Variants in RYR3 observed in about 807,000 individuals in gnomAD.
RYR3 encodes ryanodine receptor 3, also known as brain ryanodine receptor-calcium release channel.
RYR3 carries 207 observed loss-of-function variants against 584.3 expected under a neutral mutation model. That is an observed-to-expected ratio of 0.35 (90% CI 0.32 to 0.40). RYR3 has a LOEUF of 0.40. Ranked by LOEUF, RYR3 falls within the 10% of genes least tolerant of loss-of-function variation. The pLI is 1.00. For synonymous variants in RYR3, 2,416 were observed against 2,248.5 expected, an observed-to-expected ratio of 1.07 and a Z score of -2.11; for missense variants, 5,616 against 6,089.2, an observed-to-expected ratio of 0.92 and a Z score of 2.59.
intron 1 of RYR3, among the ~76,000 whole-genome samples, chr15:33,459,577 A>G (rs1280218953): frequency 1.3e-5 from 2 of 152,084 alleles, no homozygotes; most frequent in Admixed American, 1.3e-4. Context: ...TCCAGAAGAC[A>G]TAGGGTCTAT....
intron 51 of RYR3, among the ~76,000 whole-genome samples, chr15:33,741,420 G>A (rs1301189128): frequency 6.6e-6 from 1 of 152,124 alleles, no homozygotes; most frequent in Non-Finnish European, 1.5e-5. Context: ...ATTCCGTGGA[G>A]AGAAAGTCTG....
chr15:33,688,207 A>T (rs1160651462), intron 38 of RYR3, among the ~76,000 whole-genome samples: 10 of 60,796 alleles, frequency 1.6e-4, no homozygotes, highest in Non-Finnish European at 3.2e-4. Flanking sequence ...GAACTCAAAC[A>T]GATTTACAAG....
At chr15:33,776,315 C>A (rs1207457652) in intron 64 of RYR3, among the ~76,000 whole-genome samples, 1 of 152,150 alleles carries the variant, frequency 6.6e-6, no homozygotes, top group East Asian at 1.9e-4. Context: ...AGTTTGCAGA[C>A]ACAAAATTTC....
rs569756898 is a variant in RYR3 at position 33,464,463 on chromosome 15, GATATATATATATAT to G, written c.52-8942_52-8929del. On this transcript the variant is annotated intron_variant, in intron 1 of 103. Coordinates refer to ENST00000634891, the MANE Select transcript of RYR3 (RefSeq NM_001036.6). ...AGAAGAGAGACTGTAGGGAGGTGGA[GATATATATATATAT>G]ATATATATATATACACATATATATA... 6.3e-5 allele frequency among the ~76,000 whole-genome samples: 5 copies of G among 79,262 alleles called. 1 individual carries two copies. The highest frequency in any genetic ancestry group is 0.013 in the Middle Eastern group (2 of 154). The allele number at this position is 79,262 out of a possible 152,430, so 52.0% of individuals were successfully genotyped here.
At chr15:33,664,088 A>G (rs985264273) in intron 36 of RYR3, among the ~76,000 whole-genome samples, 2 of 152,196 alleles carry the variant, frequency 1.3e-5, no homozygotes, top group African/African-American at 4.8e-5. Context: ...CAACCCTTGC[A>G]GAAGTCACTA....
chr15:33,569,810 G>A (rs934663183), intron 12 of RYR3, among the ~76,000 whole-genome samples: 6 of 151,968 alleles, frequency 3.9e-5, no homozygotes, highest in South Asian at 2.1e-4. Flanking sequence ...TAGTATTATC[G>A]TGGTGGTTTC....
At chr15:33,391,077 TA>T (rs1344081964) in intron 1 of RYR3, among the ~76,000 whole-genome samples, 1 of 151,968 alleles carries the variant, frequency 6.6e-6, no homozygotes, top group African/African-American at 2.4e-5. Flanking sequence ...AAGGTGAGAG[TA>T]ATCTTTGGGA....
intron 30 of RYR3, 123 bp downstream of exon 30, chr15:33,647,583 A>C: frequency 1.5e-6 from 1 of 682,246 alleles, no homozygotes; most frequent in Non-Finnish European, 2.5e-6. Context: ...CTGTCTTTTA[A>C]TATCCATCTT....
intron 2 of RYR3, among the ~76,000 whole-genome samples, chr15:33,486,406 C>G (rs975068667): frequency 1.2e-4 from 18 of 152,152 alleles, no homozygotes; most frequent in Non-Finnish European, 2.1e-4. Context: ...CTGTGCACGT[C>G]TTTGCCTGTA....
chr15:33,320,629 A>T (rs1300776638), intron 1 of RYR3, among the ~76,000 whole-genome samples: 1 of 152,194 alleles, frequency 6.6e-6, no homozygotes, highest in South Asian at 2.1e-4. Flanking sequence ...TTTCCTGTTG[A>T]AAGGTATGAC....
intron 91 of RYR3, 64 bp downstream of exon 91, chr15:33,842,099 G>T: frequency 6.6e-7 from 1 of 1,513,016 alleles, no homozygotes; most frequent in Non-Finnish European, 9.0e-7. Context: ...TGGCAGAGAG[G>T]TGCCGCTGAT....
chr15:33,550,081 T>G, intron 9 of RYR3, 79 bp from the exon 10 acceptor site: 1 of 1,420,596 alleles, frequency 7.0e-7, no homozygotes, highest in Non-Finnish European at 9.6e-7. Context: ...TGCTAGCATG[T>G]GTAAGAAAGC....
intron 3 of RYR3, among the ~76,000 whole-genome samples, chr15:33,517,649 G>A (rs1250285596): frequency 6.6e-6 from 1 of 152,144 alleles, no homozygotes; most frequent in African/African-American, 2.4e-5. Context: ...CTGCTTTCTT[G>A]CAGCAACAAA....
intron 1 of RYR3, among the ~76,000 whole-genome samples, chr15:33,341,674 G>A (rs1427937722): frequency 1.3e-5 from 2 of 151,968 alleles, no homozygotes; most frequent in Non-Finnish European, 2.9e-5. Context: ...GATGTTAAAG[G>A]CTAATTCTCT....
chr15:33,742,360 T>C lies in RYR3; in HGVS notation c.7821-6T>C, dbSNP rs2070233420. Reference sequence around the variant, plus strand: ...GAGGTTGTAATTTTTTTTCCTCATTTCACAGTTTTTCCTTGCCTGAAAAAT... The same window carrying C: ...GAGGTTGTAATTTTTTTTCCTCATTCCACAGTTTTTCCTTGCCTGAAAAAT... On this transcript the variant is annotated splice_region_variant and splice_polypyrimidine_tract_variant and intron_variant, in intron 51 of 103. Transcript: ENST00000634891. 2 of 1,605,884 alleles carry C rather than the reference T, an allele frequency of 1.2e-6. No individual in the cohort carries two copies. Among genetic ancestry groups the C allele is most frequent in the African/African-American group, 2.7e-5 (2 of 74,912 alleles).
chr15:33,357,387 C>G (rs981568047), intron 1 of RYR3, among the ~76,000 whole-genome samples: 41 of 152,276 alleles, frequency 2.7e-4, no homozygotes, highest in African/African-American at 9.6e-4. Context: ...GAGGGCACAA[C>G]CTGGGTATCA....
intron 36 of RYR3, among the ~76,000 whole-genome samples, chr15:33,668,152 A>AC (rs377636300): frequency 9.2e-5 from 9 of 97,322 alleles, no homozygotes; most frequent in Admixed American, 3.6e-4. Flanking sequence ...CTGAAAATAC[A>AC]AAAAAAAAAA....
chr15:33,827,279 C>T lies in RYR3; in HGVS notation c.11326C>T (p.Arg3776Cys), dbSNP rs747918264. The T allele has an allele frequency of 6.4e-6, 10 of 1,552,844 alleles. No homozygotes were observed. The highest frequency in any genetic ancestry group is 1.4e-5 in the African/African-American group (1 of 73,036). ...VIISTVDYLL[R>C]LQESISDFYW... Reference sequence around the variant, plus strand: ...CATCAGCACTGTGGACTACCTTCTGCGTCTGCAGGTGAGTGGGAGGGCCTT... The same window carrying T: ...CATCAGCACTGTGGACTACCTTCTGTGTCTGCAGGTGAGTGGGAGGGCCTT... Residue 3776 changes from arginine to cysteine, a missense_variant, in exon 85 of 104, where the codon CGT becomes TGT. Arg to Cys is a radical substitution (Grantham distance 180, BLOSUM62 -3). Around this residue, in one of 9 missense-constraint regions of RYR3, gnomAD observed 954 missense variants for 1,132.2 expected, o/e 0.84. Coordinates refer to ENST00000634891, the MANE Select transcript of RYR3 (RefSeq NM_001036.6).
At chr15:33,486,354 A>G (rs560305681) in intron 2 of RYR3, among the ~76,000 whole-genome samples, 26 of 152,272 alleles carry the variant, frequency 1.7e-4, no homozygotes, top group African/African-American at 6.0e-4. Flanking sequence ...TTGTGGAAGC[A>G]TAACCCCAGT....
Sources: allele counts gnomAD v4.1 joint callset (sites outside exome capture counted in the v4.1 genomes callset), GRCh38; gene constraint gnomAD v4.1.1; regional missense constraint gnomAD v4.1.1; transcripts MANE v1.5; gene names NCBI Gene and HGNC (gene_info 2026-07-23, HGNC 2026-07-21).